Variants in DDX19B observed in about 807,000 individuals in gnomAD.
DDX19B encodes the protein DEAD-box helicase 19B.
Under a neutral mutation model 58.1 loss-of-function variants are expected in DDX19B, and 27 were observed. The observed-to-expected ratio is 0.46, with a 90% CI of 0.34 to 0.64. The LOEUF is 0.64. DDX19B is among the 30% of genes least tolerant of loss of function. The pLI is 0.01. For synonymous variants in DDX19B, 187 were observed against 214.4 expected, an observed-to-expected ratio of 0.87 and a Z score of 1.12; for missense variants, 399 against 596.5, an observed-to-expected ratio of 0.67 and a Z score of 3.45.
intron 1 of DDX19B, among the ~76,000 whole-genome samples, chr16:70,306,020 C>T (rs1194269940): frequency 6.6e-6 from 1 of 152,126 alleles, no homozygotes; most frequent in Non-Finnish European, 1.5e-5. Flanking sequence ...GCCTCGGCCT[C>T]CCAAAGTGCT....
intron 7 of DDX19B, among the ~76,000 whole-genome samples, chr16:70,327,934 G>T (rs1372900099): frequency 1.3e-5 from 2 of 152,048 alleles, no homozygotes. Flanking sequence ...GTGGATCATT[G>T]TAAGGTTAGG....
chr16:70,331,073 T>C lies in DDX19B; in HGVS notation c.1024-649T>C, dbSNP rs150937878. ...AAATTTAAAATAAAATTTTAAAATA[T>C]ATATGTTGTTTGTTTGTTTTTGAGA... is the stretch of plus-strand genomic sequence containing the variant. On this transcript the variant is annotated intron_variant, in intron 9 of 11. Coordinates refer to ENST00000288071, the MANE Select transcript of DDX19B (RefSeq NM_007242.7). Among the ~76,000 whole-genome samples, 948 of 152,262 alleles carry C rather than the reference T, an allele frequency of 6.2e-3. 56 individuals carry two copies. The highest frequency in any genetic ancestry group is 0.058 in the Admixed American group (884 of 15,278).
upstream of DDX19B, chr16:70,299,007 C>T: frequency 1.8e-6 from 1 of 565,530 alleles, no homozygotes; most frequent in Non-Finnish European, 2.6e-6. Context: ...GGTTGGAGAT[C>T]CAAGTTAACC....
chr16:70,312,029 A>T (rs1962121263), intron 1 of DDX19B, among the ~76,000 whole-genome samples: 1 of 151,854 alleles, frequency 6.6e-6, no homozygotes, highest in African/African-American at 2.4e-5. Flanking sequence ...TTTGGTAGAG[A>T]CGGGGTTTCA....
chr16:70,310,272 T>C (rs1962013844), intron 1 of DDX19B, among the ~76,000 whole-genome samples: 1 of 152,110 alleles, frequency 6.6e-6, no homozygotes, highest in Non-Finnish European at 1.5e-5. Flanking sequence ...TCTCAGCTAC[T>C]TGGGAGGCTG....
At chr16:70,327,487 C>T (rs932413469) in intron 7 of DDX19B, among the ~76,000 whole-genome samples, 2 of 151,598 alleles carry the variant, frequency 1.3e-5, no homozygotes, top group Non-Finnish European at 1.5e-5. Flanking sequence ...GAGCCAAGAT[C>T]GTGCCACTGC....
chr16:70,291,591 T>C (rs1961062494), upstream of DDX19B, among the ~76,000 whole-genome samples: 1 of 151,618 alleles, frequency 6.6e-6, no homozygotes. Context: ...AGGCAGATCA[T>C]GAGGTCAGGA....
upstream of DDX19B, among the ~76,000 whole-genome samples, chr16:70,297,139 C>A (rs1961252410): frequency 6.6e-6 from 1 of 152,128 alleles, no homozygotes; most frequent in African/African-American, 2.4e-5. Flanking sequence ...TGGTCTCAAT[C>A]TCCTGACCTC....
Position 70,334,720 on chromosome 16 carries a change from C to T in DDX19B, c.*1138C>T, listed in dbSNP as rs1268619545. On this transcript the variant is annotated 3_prime_UTR_variant, in exon 12 of 12. Transcript: ENST00000288071. ...ATTTATCTGTCCAAGGCAAGAGTAT[C>T]ACCAAGGCCTTTGCTCCAGCCTTAC... is the stretch of plus-strand genomic sequence containing the variant. 1.3e-5 allele frequency: 2 copies of T among 152,254 alleles called. No homozygotes were observed. The highest frequency in any genetic ancestry group is 2.4e-5 in the African/African-American group (1 of 41,468). 9.4% of individuals were successfully genotyped at this position (152,254 alleles called of 1,614,324 possible). A position where few individuals can be genotyped will look rare whatever the true frequency, so the allele number is the denominator to read the frequency against.
At chr16:70,301,119 C>T (rs149612061) in intron 1 of DDX19B, among the ~76,000 whole-genome samples, 1 of 152,180 alleles carries the variant, frequency 6.6e-6, no homozygotes, top group African/African-American at 2.4e-5. Flanking sequence ...TTCCTTCCTC[C>T]TTTCTCTTGT....
At chr16:70,316,996 A>G (rs989487425) in intron 4 of DDX19B, among the ~76,000 whole-genome samples, 1 of 151,946 alleles carries the variant, frequency 6.6e-6, no homozygotes, top group South Asian at 2.1e-4. Context: ...CACGAGGTCC[A>G]GAGATTGAGA....
chr16:70,294,821 A>G (rs1476888619), upstream of DDX19B: 25 of 1,469,296 alleles, frequency 1.7e-5, no homozygotes, highest in Non-Finnish European at 2.2e-5. Context: ...CGGTTGTTGG[A>G]GTGTAACTGC....
intron 1 of DDX19B, among the ~76,000 whole-genome samples, chr16:70,309,400 C>T (rs965765133): frequency 1.3e-5 from 2 of 152,068 alleles, no homozygotes; most frequent in African/African-American, 4.8e-5. Flanking sequence ...GAGGCTGAGG[C>T]AGGAGAATGG....
At chr16:70,314,579 G>C (rs1256674778) in intron 2 of DDX19B, among the ~76,000 whole-genome samples, 8 of 151,614 alleles carry the variant, frequency 5.3e-5, no homozygotes, top group Admixed American at 3.3e-4. Context: ...CAAGAGAATG[G>C]CGTGAACCTG....
At chr16:70,294,984 C>T, upstream of DDX19B, 2 of 1,411,854 alleles carry the variant, frequency 1.4e-6, no homozygotes, top group Non-Finnish European at 1.8e-6. Context: ...CTCGCCCCTA[C>T]TCCTGGGTAG....
intron 7 of DDX19B, among the ~76,000 whole-genome samples, chr16:70,326,087 CTTGTTT>C (rs1963126951): frequency 6.6e-6 from 1 of 152,208 alleles, no homozygotes; most frequent in African/African-American, 2.4e-5. Context: ...GGTTGTTGTA[CTTGTTT>C]CTTTCAATCT....
At chr16:70,295,093 A>C (rs1961171925), upstream of DDX19B, 1 of 1,272,648 alleles carries the variant, frequency 7.9e-7, no homozygotes. Flanking sequence ...ATTTCAGGGG[A>C]AACTGAGACT....
intron 5 of DDX19B, among the ~76,000 whole-genome samples, chr16:70,323,897 G>A (rs909239917): frequency 1.3e-5 from 2 of 152,030 alleles, no homozygotes; most frequent in Non-Finnish European, 2.9e-5. Context: ...AGATATCTGG[G>A]CAAAGACTTG....
intron 3 of DDX19B, among the ~76,000 whole-genome samples, chr16:70,315,386 CAA>C (rs750665674): frequency 4.6e-4 from 25 of 54,598 alleles, no homozygotes; most frequent in Admixed American, 8.8e-4. Flanking sequence ...GACTCTGTCT[CAA>C]AAAAAAAAAA....
Sources: gnomAD v4.1 joint callset for allele counts (sites outside exome capture counted in the v4.1 genomes callset) on GRCh38, gnomAD v4.1.1 for gene constraint, MANE v1.5 for transcripts, NCBI Gene and HGNC (gene_info 2026-07-23, HGNC 2026-07-21) for gene names.